Variants in DCAF8L2 observed in about 807,000 individuals in gnomAD.
The protein encoded by DCAF8L2 is DDB1- and CUL4-associated factor 8-like protein 2.
For missense variants in DCAF8L2, 430 were observed against 490.7 expected (o/e 0.88, Z 1.17); for synonymous variants, 200 against 190.9 (o/e 1.05, Z -0.39).
the DCAF8L2 span, among the ~76,000 whole-genome samples, chrX:27,533,176 A>AGAGAGAGAGAGAGAG: frequency 2.7e-4 from 4 of 14,840 alleles, no homozygotes; most frequent in Admixed American, 8.8e-4. Context: ...GAAAGAAAGA[A>AGAGAGAGAGAGAGAG]AGAAAGAAAG....
chrX:27,696,140 A>G (rs1359023502), intron 3 of DCAF8L2, among the ~76,000 whole-genome samples: 1 of 107,303 alleles, frequency 9.3e-6, no homozygotes, highest in African/African-American at 3.4e-5. Flanking sequence ...CAGAGGTTGC[A>G]CTGAGCTGAG....
In DCAF8L2 at chrX:27,606,302, G is replaced by A. The variant is rs1328612809; in HGVS notation, c.-342+15862G>A. 3.0e-3 allele frequency among the ~76,000 whole-genome samples: 196 copies of A among 65,371 alleles called. 3 individuals are homozygous for A. Among genetic ancestry groups the A allele is most frequent in the African/African-American group, 0.012 (186 of 15,675 alleles). 56.8% of individuals were successfully genotyped at this position (65,371 alleles called of 115,157 possible). On this transcript the variant is annotated intron_variant, in intron 1 of 4. Transcript: ENST00000451261. ...ATATATATAGGAATTATATATATAT[G>A]AATTATATATATATAGGAATTATAT...
chrX:27,480,733 C>A, the DCAF8L2 span, among the ~76,000 whole-genome samples: 1 of 111,675 alleles, frequency 9.0e-6, no homozygotes, highest in African/African-American at 3.3e-5. Flanking sequence ...TCTATTTATT[C>A]TTTCAGCTCA....
the DCAF8L2 span, among the ~76,000 whole-genome samples, chrX:27,533,851 T>C: frequency 8.9e-6 from 1 of 112,347 alleles, no homozygotes; most frequent in Non-Finnish European, 1.9e-5. Context: ...TTTTTTATAA[T>C]GGATGTTAAG....
intron 1 of DCAF8L2, among the ~76,000 whole-genome samples, chrX:27,598,487 C>T (rs1219367704): frequency 4.4e-5 from 5 of 112,417 alleles, no homozygotes; most frequent in Non-Finnish European, 9.4e-5. Flanking sequence ...TTGCTTCCCC[C>T]GCTAGCCGGG....
At chrX:27,733,628 C>T (rs1415858192) in intron 4 of DCAF8L2, among the ~76,000 whole-genome samples, 2 of 111,510 alleles carry the variant, frequency 1.8e-5, no homozygotes, top group Admixed American at 1.9e-4. Flanking sequence ...GGAGTTTTCC[C>T]CCATGTATTT....
At chrX:27,627,537 T>TGGGTG (rs1569164726) in intron 1 of DCAF8L2, 1 of 90,912 alleles carries the variant, frequency 1.1e-5, no homozygotes, top group Non-Finnish European at 2.1e-5. Context: ...GTTGTTTTTG[T>TGGGTG]TGTGTGTGTG....
the DCAF8L2 span, among the ~76,000 whole-genome samples, chrX:27,481,385 T>G: frequency 9.1e-6 from 1 of 110,337 alleles, no homozygotes; most frequent in Non-Finnish European, 1.9e-5. Context: ...CTCAAAAAAA[T>G]TAATTAATTA....
intron 2 of DCAF8L2, among the ~76,000 whole-genome samples, chrX:27,642,548 G>T (rs1466849562): frequency 9.0e-6 from 1 of 110,732 alleles, no homozygotes; most frequent in Non-Finnish European, 1.9e-5. Context: ...GGACTCTGCA[G>T]ATCCTCAGAG....
At chrX:27,541,114 G>T in the DCAF8L2 span, among the ~76,000 whole-genome samples, 118 of 111,137 alleles carry the variant, frequency 1.1e-3, no homozygotes, top group African/African-American at 3.2e-3. Context: ...TGGAGAAATG[G>T]CATACAAGTT....
At chrX:27,590,802 C>T (rs1190841291) in intron 1 of DCAF8L2, among the ~76,000 whole-genome samples, 2 of 107,266 alleles carry the variant, frequency 1.9e-5, no homozygotes, top group Non-Finnish European at 3.9e-5. Context: ...TACATAGCAC[C>T]ATAATAAATT....
chrX:27,506,281 A>G, the DCAF8L2 span, among the ~76,000 whole-genome samples: 1 of 111,934 alleles, frequency 8.9e-6, no homozygotes, highest in Non-Finnish European at 1.9e-5. Flanking sequence ...GTGCAAATTG[A>G]GAGTTCCACA....
At chrX:27,554,901 A>AT in the DCAF8L2 span, among the ~76,000 whole-genome samples, 81 of 111,700 alleles carry the variant, frequency 7.3e-4, no homozygotes, top group Non-Finnish European at 1.3e-3. Flanking sequence ...AAAACTACAC[A>AT]TTCAGTTGTG....
intron 4 of DCAF8L2, among the ~76,000 whole-genome samples, chrX:27,723,548 T>C (rs114807910): frequency 0.026 from 2,907 of 111,507 alleles, 87 homozygotes; most frequent in African/African-American, 0.088. Context: ...TTACCTATCA[T>C]ATTCCAAATT....
chrX:27,732,423 G>A (rs1034959297), intron 4 of DCAF8L2, among the ~76,000 whole-genome samples: 3 of 110,054 alleles, frequency 2.7e-5, no homozygotes, highest in Admixed American at 2.0e-4. Context: ...TGTCCTGCAG[G>A]TTCATCCATG....
chrX:27,617,186 C>T (rs993036348), intron 1 of DCAF8L2, among the ~76,000 whole-genome samples: 2 of 111,221 alleles, frequency 1.8e-5, no homozygotes, highest in African/African-American at 6.5e-5. Flanking sequence ...ATTTCCCTGA[C>T]GAAGGAGTTC....
chrX:27,547,185 A>G, the DCAF8L2 span, among the ~76,000 whole-genome samples: 1 of 111,995 alleles, frequency 8.9e-6, no homozygotes, highest in Non-Finnish European at 1.9e-5. Flanking sequence ...TCCAGTTCCC[A>G]ATGAGTTCCT....
intron 3 of DCAF8L2, among the ~76,000 whole-genome samples, chrX:27,696,256 GGA>G (rs1476496980): frequency 1.0e-4 from 8 of 77,678 alleles, no homozygotes; most frequent in Admixed American, 3.4e-4. Context: ...AAGGAAGGAA[GGA>G]AGAGAGAGAG....
chrX:27,660,356 A>G (rs1242142741), intron 2 of DCAF8L2, among the ~76,000 whole-genome samples: 2 of 111,770 alleles, frequency 1.8e-5, no homozygotes, highest in African/African-American at 3.3e-5. Context: ...TATCTGGTTT[A>G]ACAGTTGCTT....
Sources: allele counts gnomAD v4.1 joint callset (sites outside exome capture counted in the v4.1 genomes callset), GRCh38; gene constraint gnomAD v4.1.1; transcripts MANE v1.5; gene names NCBI Gene and HGNC (gene_info 2026-07-23, HGNC 2026-07-21).